The following IGF1 variants were observed in gnomAD, a reference collection of about 807,000 sequenced individuals.
The protein encoded by IGF1 is insulin-like growth factor 1.
A neutral mutation model predicts 13.8 loss-of-function variants in IGF1; 4 were observed. The ratio of observed to expected loss-of-function variants is 0.29; its 90% CI spans 0.14 to 0.66. The LOEUF (loss-of-function observed/expected upper bound fraction) is 0.66. Ranked by LOEUF, IGF1 falls within the 30% of genes least tolerant of loss-of-function variation. The pLI, the probability that IGF1 is intolerant of heterozygous loss-of-function variation, is 0.78. For synonymous variants in IGF1, 76 were observed against 72.6 expected (o/e 1.05, Z -0.23); for missense variants, 124 against 188.5 (o/e 0.66, Z 2.00).
chr12:102,457,400 G>T (rs73180995), intron 2 of IGF1, among the ~76,000 whole-genome samples: 1 of 152,184 alleles, frequency 6.6e-6, no homozygotes, highest in Admixed American at 6.5e-5. Flanking sequence ...GAATTTTGAC[G>T]CATCATTGAA....
In IGF1 at chr12:102,398,659, A is replaced by G. The variant is rs1386134600; in HGVS notation, c.*3848T>C. On this transcript the variant is annotated 3_prime_UTR_variant, in exon 4 of 4. Coordinates refer to ENST00000337514, the MANE Select transcript of IGF1 (RefSeq NM_000618.5). The stretch of plus-strand genomic sequence containing the variant: ...AAATTCACAATTTGGTGAACAGTAC[A>G]CTACTTGTGAGTGATAAAAAGTTGA... 6.6e-6 allele frequency: 1 copy of G among 152,158 alleles called. No individual in the cohort carries two copies. The highest frequency in any genetic ancestry group is 1.9e-4 in the East Asian group (1 of 5,194). The allele number at this position is 152,158 out of a possible 1,614,324, so 9.4% of individuals were successfully genotyped here.
chr12:102,442,760 A>G (rs756056463), intron 2 of IGF1, among the ~76,000 whole-genome samples: 40 of 152,294 alleles, frequency 2.6e-4, no homozygotes, highest in African/African-American at 6.3e-4. Context: ...TGCTCAAGAA[A>G]TATGGCCGCC....
At chr12:102,481,163 T>A (rs1881367258), upstream of IGF1, among the ~76,000 whole-genome samples, 1 of 152,150 alleles carries the variant, frequency 6.6e-6, no homozygotes, top group Non-Finnish European at 1.5e-5. Context: ...TGTCTCATAC[T>A]TTTTCTCCTG....
intron 2 of IGF1, among the ~76,000 whole-genome samples, chr12:102,459,177 C>G (rs1879697383): frequency 6.6e-6 from 1 of 152,086 alleles, no homozygotes; most frequent in African/African-American, 2.4e-5. Context: ...TTACAGATTG[C>G]CAGTTTGTGA....
chr12:102,422,012 A>G (rs1377785419), intron 2 of IGF1, among the ~76,000 whole-genome samples: 2 of 151,114 alleles, frequency 1.3e-5, no homozygotes, highest in Non-Finnish European at 2.9e-5. Context: ...GAAAGTCATC[A>G]TCATCACAGC....
intron 3 of IGF1, among the ~76,000 whole-genome samples, chr12:102,409,458 C>T (rs929164841): frequency 1.3e-5 from 2 of 152,144 alleles, no homozygotes; most frequent in African/African-American, 4.8e-5. Flanking sequence ...TTAATGGATG[C>T]GAATTTCCTG....
intron 1 of IGF1, among the ~76,000 whole-genome samples, chr12:102,476,145 C>T (rs1277789951): frequency 6.6e-6 from 1 of 152,172 alleles, no homozygotes; most frequent in Non-Finnish European, 1.5e-5. Flanking sequence ...TCCCATATCA[C>T]TCTGAGACCC....
chr12:102,396,364 A>G lies in IGF1; in HGVS notation c.*6143T>C, dbSNP rs1873182464. 6.6e-6 allele frequency: 1 copy of G among 152,346 alleles called. No homozygotes were observed. The highest frequency in any genetic ancestry group is 1.5e-5 in the Non-Finnish European group (1 of 68,126). The allele number at this position is 152,346 out of a possible 1,614,324, so 9.4% of individuals were successfully genotyped here. ...TATTTGAAAGGTTTTGATATTTTGA[A>G]TAGACATTTTCATGATACACAGACA... On this transcript the variant is annotated 3_prime_UTR_variant, in exon 4 of 4. Coordinates refer to ENST00000337514, the MANE Select transcript of IGF1 (RefSeq NM_000618.5).
At chr12:102,419,883 T>C (rs1158774931) in intron 2 of IGF1, among the ~76,000 whole-genome samples, 193 bp from the exon 3 acceptor site, 1 of 152,190 alleles carries the variant, frequency 6.6e-6, no homozygotes, top group African/African-American at 2.4e-5. Flanking sequence ...CCGGAGTCTG[T>C]ACCACACTCA....
intron 2 of IGF1, among the ~76,000 whole-genome samples, chr12:102,439,069 G>A (rs969793026): frequency 2.0e-5 from 3 of 152,128 alleles, no homozygotes; most frequent in Non-Finnish European, 4.4e-5. Flanking sequence ...CACTTGCAAC[G>A]GTTTTACACA....
chr12:102,477,817 G>A (rs953455726), intron 1 of IGF1, among the ~76,000 whole-genome samples: 4 of 152,016 alleles, frequency 2.6e-5, no homozygotes, highest in Non-Finnish European at 4.4e-5. Context: ...AAGTTCTTCA[G>A]TTTTTGTGAA....
chr12:102,401,483 G>T lies in IGF1; in HGVS notation c.*1024C>A, dbSNP rs2136937272. 6.6e-6 allele frequency: 1 copy of T among 152,668 alleles called. No homozygotes were observed. Among genetic ancestry groups the T allele is most frequent in the Non-Finnish European group, 1.5e-5 (1 of 68,036 alleles). The allele number at this position is 152,668 out of a possible 1,614,324, so 9.5% of individuals were successfully genotyped here. A position where few individuals can be genotyped will look rare whatever the true frequency, so the allele number is the denominator to read the frequency against. ...GGGACTTTGCCTTCTTTCCCAAATG[G>T]ATGGTGTTTTCAGTACCCTTCCCCT... On this transcript the variant is annotated 3_prime_UTR_variant, in exon 4 of 4. Coordinates refer to ENST00000337514, the MANE Select transcript of IGF1 (RefSeq NM_000618.5).
At chr12:102,448,649 T>C (rs866238294) in intron 2 of IGF1, among the ~76,000 whole-genome samples, 10 of 139,612 alleles carry the variant, frequency 7.2e-5, no homozygotes, top group South Asian at 2.3e-4. Context: ...TGTAACTAAC[T>C]TGCACAATGT....
intron 2 of IGF1, among the ~76,000 whole-genome samples, chr12:102,425,273 A>G (rs528682696): frequency 1.3e-5 from 2 of 152,312 alleles, no homozygotes; most frequent in East Asian, 1.9e-4. Context: ...TCTCTTTTCT[A>G]TGAACTGCAT....
intron 2 of IGF1, among the ~76,000 whole-genome samples, chr12:102,432,504 C>G (rs1367016275): frequency 6.6e-6 from 1 of 152,156 alleles, no homozygotes; most frequent in Non-Finnish European, 1.5e-5. Context: ...GGAATTTAAT[C>G]AACAAAGCAG....
intron 3 of IGF1, among the ~76,000 whole-genome samples, chr12:102,413,844 G>A (rs995315655): frequency 6.6e-6 from 1 of 152,118 alleles, no homozygotes; most frequent in African/African-American, 2.4e-5. Flanking sequence ...CTCTCACTTG[G>A]GAGAGCCAAG....
chr12:102,465,984 TAAAG>T (rs1486402103), intron 2 of IGF1, among the ~76,000 whole-genome samples: 3 of 120,700 alleles, frequency 2.5e-5, no homozygotes, highest in African/African-American at 9.3e-5. Context: ...AATAAATAAA[TAAAG>T]ATAACCAACT....
chr12:102,452,193 C>T (rs1045459270), intron 2 of IGF1, among the ~76,000 whole-genome samples: 3 of 124,378 alleles, frequency 2.4e-5, no homozygotes, highest in Admixed American at 1.1e-4. Context: ...ACCCGGGAGG[C>T]GGAGCTTGCA....
chr12:102,424,465 C>G (rs1876025586), intron 2 of IGF1, among the ~76,000 whole-genome samples: 1 of 151,934 alleles, frequency 6.6e-6, no homozygotes, highest in Non-Finnish European at 1.5e-5. Flanking sequence ...TTTTTCACAC[C>G]AGTTATTTAT....
Sources: allele counts gnomAD v4.1 joint callset (sites outside exome capture counted in the v4.1 genomes callset), GRCh38; gene constraint gnomAD v4.1.1; transcripts MANE v1.5; gene names NCBI Gene and HGNC (gene_info 2026-07-23, HGNC 2026-07-21).